PLCH1: variants seen among roughly 807,000 people sequenced by gnomAD.
PLCH1 encodes 1-phosphatidylinositol 4,5-bisphosphate phosphodiesterase eta-1.
A neutral mutation model predicts 126.7 loss-of-function variants in PLCH1; 60 were observed. The observed-to-expected ratio is 0.47, with a 90% CI of 0.38 to 0.59. PLCH1 has a LOEUF of 0.59. PLCH1 is among the 20% of genes least tolerant of loss of function. PLCH1 has a pLI of 0.00. For synonymous variants in PLCH1, 719 were observed against 734.9 expected (o/e 0.98, Z 0.35); for missense variants, 1,723 against 2,040.0 (o/e 0.84, Z 2.99).
chr3:155,609,662 T>C (rs1455743248), intron 2 of PLCH1, among the ~76,000 whole-genome samples: 1 of 151,742 alleles, frequency 6.6e-6, no homozygotes, highest in East Asian at 1.9e-4. Flanking sequence ...AGGATATGAA[T>C]GAAAAATTTG....
In PLCH1 at chr3:155,480,850, C is replaced by A. The variant is rs1326082122; in HGVS notation, c.*118G>T. On this transcript the variant is annotated 3_prime_UTR_variant, in exon 23 of 23. Coordinates refer to ENST00000460012, the MANE Select transcript of PLCH1 (RefSeq NM_014996.4). ...GAACACATGAAGTCAAAGGGAGACC[C>A]AAATACAAGTTTAAAAATACATTTG... 10 of 892,988 alleles carry A rather than the reference C, an allele frequency of 1.1e-5. No homozygotes were observed. Among genetic ancestry groups the A allele is most frequent in the Non-Finnish European group, 1.7e-5 (10 of 585,092 alleles). 55.3% of individuals were successfully genotyped at this position (892,988 alleles called of 1,614,324 possible).
intron 2 of PLCH1, among the ~76,000 whole-genome samples, chr3:155,609,608 A>T (rs1305830983): frequency 2.6e-5 from 4 of 152,228 alleles, no homozygotes; most frequent in African/African-American, 9.6e-5. Flanking sequence ...ACTCAAGAAG[A>T]TACCAGAGAA....
intron 2 of PLCH1, among the ~76,000 whole-genome samples, chr3:155,666,356 T>C: frequency 6.6e-6 from 1 of 152,348 alleles, no homozygotes; most frequent in Non-Finnish European, 1.5e-5. Flanking sequence ...TATATCTATC[T>C]CATTCTTTTA....
In PLCH1 at chr3:155,515,583, G is replaced by A. The variant is rs560115240; in HGVS notation, c.1471-699C>T. Among the ~76,000 whole-genome samples the A allele has an allele frequency of 9.8e-4, 150 of 152,322 alleles. 1 individual carries two copies. Among genetic ancestry groups the A allele is most frequent in the African/African-American group, 3.5e-3 (147 of 41,566 alleles). ...AATTTCAAGGGGTTTGGATATCAGA[G>A]CTATGACCTGTCCAGATGATGACTC... On this transcript the variant is annotated intron_variant, in intron 11 of 22. Transcript: ENST00000460012.
Position 155,482,180 on chromosome 3 carries a change from GTCA to G in PLCH1, c.3843_3845del (p.Asp1282del), listed in dbSNP as rs1560043768. The G allele has an allele frequency of 1.9e-6, 3 of 1,614,170 alleles. 1 individual carries two copies. The South Asian group carries it at 3.3e-5, about 18-fold the overall frequency. ...CCGCTGTCTTGGCCTTACTAGAAAG[GTCA>G]TCATCTGGTTTGGTTTTAGAGATGG... On this transcript the variant is annotated inframe_deletion, in exon 23 of 23. Transcript: ENST00000460012.
At chr3:155,667,859 G>T (rs1176686202) in intron 2 of PLCH1, among the ~76,000 whole-genome samples, 4 of 131,234 alleles carry the variant, frequency 3.0e-5, no homozygotes, top group African/African-American at 1.2e-4. Flanking sequence ...GAAGTCAAGA[G>T]TTCAAGACCA....
chr3:155,695,363 G>T (rs1399331517), intron 2 of PLCH1, among the ~76,000 whole-genome samples: 1 of 152,140 alleles, frequency 6.6e-6, no homozygotes, highest in Non-Finnish European at 1.5e-5. Flanking sequence ...GATGGTTTAT[G>T]AGTATTTTTT....
chr3:155,601,200 A>T (rs1359835041), intron 2 of PLCH1, among the ~76,000 whole-genome samples: 2 of 151,902 alleles, frequency 1.3e-5, no homozygotes, highest in Non-Finnish European at 2.9e-5. Flanking sequence ...TATGGTCTTG[A>T]CCTCCTGACC....
At chr3:155,524,418 C>G (rs1327056152) in intron 10 of PLCH1, among the ~76,000 whole-genome samples, 1 of 152,074 alleles carries the variant, frequency 6.6e-6, no homozygotes, top group Admixed American at 6.6e-5. Context: ...ACTGAACACA[C>G]TTTAAAAAGG....
At chr3:155,727,737 T>G (rs2109161813) in intron 1 of PLCH1, among the ~76,000 whole-genome samples, 1 of 152,232 alleles carries the variant, frequency 6.6e-6, no homozygotes, top group Middle Eastern at 3.4e-3. Context: ...TTTTCCTGAC[T>G]TCATAGGTAT....
chr3:155,687,370 T>C (rs1305075187), intron 2 of PLCH1, among the ~76,000 whole-genome samples: 2 of 152,160 alleles, frequency 1.3e-5, no homozygotes, highest in Non-Finnish European at 2.9e-5. Context: ...TCATGAATAC[T>C]AAAGATGATA....
chr3:155,716,285 T>C (rs1268634654), intron 1 of PLCH1, among the ~76,000 whole-genome samples: 1 of 152,256 alleles, frequency 6.6e-6, no homozygotes, highest in Non-Finnish European at 1.5e-5. Flanking sequence ...ATAAATGTTC[T>C]AGTGTGTTTG....
At chr3:155,473,601 A>C (rs1366462908) in intron 21 of PLCH1, among the ~76,000 whole-genome samples, 2 of 151,854 alleles carry the variant, frequency 1.3e-5, no homozygotes, top group African/African-American at 4.9e-5. Flanking sequence ...GAACCAAAAA[A>C]GAGCCCGCAT....
rs1180534084 is a variant in PLCH1, at chr3:155,480,858, A to T, written c.*110T>A. 1.0e-6 allele frequency: 1 copy of T among 961,022 alleles called. No individual in the cohort carries two copies. The allele number at this position is 961,022 out of a possible 1,614,324, so 59.5% of individuals were successfully genotyped here. On this transcript the variant is annotated 3_prime_UTR_variant, in exon 23 of 23. Coordinates refer to ENST00000460012, the MANE Select transcript of PLCH1 (RefSeq NM_014996.4). ...GAAGTCAAAGGGAGACCCAAATACA[A>T]GTTTAAAAATACATTTGAAAATCAT... is the stretch of plus-strand genomic sequence containing the variant.
chr3:155,624,461 T>C (rs150667872), intron 2 of PLCH1, among the ~76,000 whole-genome samples: 4,313 of 152,262 alleles, frequency 0.028, 201 homozygotes, highest in African/African-American at 0.098. Flanking sequence ...AGTCAAATTG[T>C]CTCTGTTTGC....
intron 21 of PLCH1, among the ~76,000 whole-genome samples, chr3:155,486,697 T>C (rs1715232582): frequency 6.6e-6 from 1 of 151,544 alleles, no homozygotes; most frequent in Admixed American, 6.6e-5. Flanking sequence ...GCTAATTTTT[T>C]GTATTTTTAG....
intron 2 of PLCH1, among the ~76,000 whole-genome samples, chr3:155,654,966 C>T (rs1741182600): frequency 6.6e-6 from 1 of 152,192 alleles, no homozygotes; most frequent in Admixed American, 6.5e-5. Flanking sequence ...ACTGCCCTGG[C>T]CTCCTTGCTA....
At chr3:155,565,890 G>T (rs534635814) in intron 7 of PLCH1, among the ~76,000 whole-genome samples, 34 of 150,690 alleles carry the variant, frequency 2.3e-4, no homozygotes, top group African/African-American at 8.0e-4. Context: ...TAGAGATGGG[G>T]TTTCACCATG....
chr3:155,477,734 A>C (rs138794268), downstream of PLCH1, among the ~76,000 whole-genome samples: 925 of 152,306 alleles, frequency 6.1e-3, 9 homozygotes, highest in African/African-American at 0.021. Flanking sequence ...TTTATCCAAA[A>C]GACAGGCAAA....
Sources: allele counts gnomAD v4.1 joint callset (sites outside exome capture counted in the v4.1 genomes callset), GRCh38; gene constraint gnomAD v4.1.1; transcripts MANE v1.5; gene names NCBI Gene and HGNC (gene_info 2026-07-23, HGNC 2026-07-21).